Variants in SMAP1 observed in about 807,000 individuals in gnomAD.
SMAP1 encodes the protein stromal membrane-associated protein 1.
SMAP1 carries 24 observed loss-of-function variants against 58.5 expected under a neutral mutation model. The ratio of observed to expected loss-of-function variants is 0.41; its 90% CI spans 0.30 to 0.58. The LOEUF is 0.58. Ranked by LOEUF, SMAP1 falls within the 20% of genes least tolerant of loss-of-function variation. The pLI, the probability that SMAP1 is intolerant of heterozygous loss-of-function variation, is 0.29. For missense variants in SMAP1, 563 were observed against 566.3 expected (o/e 0.99, Z 0.06); for synonymous variants, 216 against 196.6 (o/e 1.10, Z -0.82).
At chr6:70,668,366 A>G (rs1317860192) in intron 1 of SMAP1, among the ~76,000 whole-genome samples, 1 of 152,074 alleles carries the variant, frequency 6.6e-6, no homozygotes, top group Non-Finnish European at 1.5e-5. Flanking sequence ...CAGTGGCCCC[A>G]GCCTCCCCTC....
intron 6 of SMAP1, among the ~76,000 whole-genome samples, chr6:70,803,272 C>G (rs1165426381): frequency 6.6e-6 from 1 of 152,132 alleles, no homozygotes; most frequent in Non-Finnish European, 1.5e-5. Flanking sequence ...TCTAGATTTT[C>G]TAGTTTATTT....
intron 1 of SMAP1, chr6:70,668,627 A>G (rs762310886): frequency 1.3e-6 from 2 of 1,535,852 alleles, no homozygotes; most frequent in Non-Finnish European, 1.7e-6. Context: ...TTGGTCTCCT[A>G]GATGGAGCCC....
chr6:70,845,636 G>A (rs934335889), intron 7 of SMAP1, among the ~76,000 whole-genome samples: 6 of 152,198 alleles, frequency 3.9e-5, no homozygotes, highest in Admixed American at 3.3e-4. Context: ...CCAGATAAAT[G>A]CAGCTTTTAG....
At chr6:70,851,033 TTTC>T (rs1321857738) in intron 7 of SMAP1, among the ~76,000 whole-genome samples, 6 of 152,178 alleles carry the variant, frequency 3.9e-5, no homozygotes, top group Admixed American at 6.5e-5. Context: ...CATTGTTTTA[TTTC>T]TTCACCTTTT....
At chr6:70,788,886 G>A in intron 4 of SMAP1, among the ~76,000 whole-genome samples, 1 of 152,158 alleles carries the variant, frequency 6.6e-6, no homozygotes, top group East Asian at 1.9e-4. Context: ...GACATGGTAT[G>A]GAGAATAGAT....
intron 2 of SMAP1, among the ~76,000 whole-genome samples, chr6:70,733,778 A>G (rs899645913): frequency 6.6e-6 from 1 of 152,154 alleles, no homozygotes; most frequent in African/African-American, 2.4e-5. Context: ...CGACCGAAGT[A>G]TCCTGCTTTT....
chr6:70,828,180 A>G (rs1770215847), intron 6 of SMAP1, among the ~76,000 whole-genome samples: 1 of 152,240 alleles, frequency 6.6e-6, no homozygotes, highest in African/African-American at 2.4e-5. Flanking sequence ...TATAGCATAT[A>G]GTCAAAAGAC....
At chr6:70,810,769 G>A (rs2149969400) in intron 6 of SMAP1, among the ~76,000 whole-genome samples, 1 of 152,188 alleles carries the variant, frequency 6.6e-6, no homozygotes, top group South Asian at 2.1e-4. Flanking sequence ...TAAAGTTGAG[G>A]TCTCATTGTG....
intron 4 of SMAP1, among the ~76,000 whole-genome samples, chr6:70,787,549 A>C (rs1367107875): frequency 6.6e-6 from 1 of 152,204 alleles, no homozygotes; most frequent in Non-Finnish European, 1.5e-5. Flanking sequence ...CAATCTACTC[A>C]TCTGACAAAG....
chr6:70,738,280 G>A (rs1171798803), intron 2 of SMAP1, among the ~76,000 whole-genome samples: 1 of 152,084 alleles, frequency 6.6e-6, no homozygotes. Flanking sequence ...GTTAGTGATG[G>A]TGATTCAGCT....
At chr6:70,727,611 C>A (rs1169168536) in intron 1 of SMAP1, among the ~76,000 whole-genome samples, 1 of 152,224 alleles carries the variant, frequency 6.6e-6, no homozygotes, top group Non-Finnish European at 1.5e-5. Context: ...AAAATAAACA[C>A]ATAATAGATA....
intron 2 of SMAP1, among the ~76,000 whole-genome samples, chr6:70,751,069 G>A (rs1766257097): frequency 1.3e-5 from 2 of 152,134 alleles, no homozygotes; most frequent in South Asian, 4.2e-4. Flanking sequence ...GTGAAACCTC[G>A]TCTCTACTAA....
chr6:70,861,642 T>A lies in SMAP1; in HGVS notation c.*1308T>A. ...ATATGGATCCACTGGCTGGACAAACTGCACCAGTTGCTGCTTCAATTTATA... is the reference window on the plus strand; with the variant it reads ...ATATGGATCCACTGGCTGGACAAACAGCACCAGTTGCTGCTTCAATTTATA... On this transcript the variant is annotated 3_prime_UTR_variant, in exon 11 of 11. Transcript: ENST00000370455. 1 of 1,607,456 alleles carries A rather than the reference T, an allele frequency of 6.2e-7. No individual in the cohort carries two copies. The highest frequency in any genetic ancestry group is 8.5e-7 in the Non-Finnish European group (1 of 1,174,388).
intron 1 of SMAP1, among the ~76,000 whole-genome samples, chr6:70,730,138 C>T (rs184416381): frequency 4.6e-5 from 7 of 152,242 alleles, no homozygotes; most frequent in East Asian, 3.9e-4. Flanking sequence ...GACCTTTGAA[C>T]TCCTGGGCTC....
intron 3 of SMAP1, among the ~76,000 whole-genome samples, chr6:70,760,353 T>C (rs1414317156): frequency 1.3e-5 from 2 of 152,106 alleles, no homozygotes; most frequent in Non-Finnish European, 2.9e-5. Context: ...TATTGATCTT[T>C]ATTGTTCATA....
At chr6:70,848,687 A>G (rs747967810) in intron 7 of SMAP1, among the ~76,000 whole-genome samples, 5 of 152,240 alleles carry the variant, frequency 3.3e-5, no homozygotes, top group Non-Finnish European at 5.9e-5. Flanking sequence ...AACATTCTTT[A>G]AAAACATCCA....
intron 2 of SMAP1, among the ~76,000 whole-genome samples, chr6:70,739,634 T>TA (rs1191338722): frequency 6.6e-6 from 1 of 152,150 alleles, no homozygotes; most frequent in Non-Finnish European, 1.5e-5. Flanking sequence ...TTTTTTGAGT[T>TA]ACAGTTTATT....
intron 6 of SMAP1, among the ~76,000 whole-genome samples, chr6:70,828,712 A>G (rs1021590911): frequency 6.6e-6 from 1 of 152,212 alleles, no homozygotes. Flanking sequence ...TATTCCTTAC[A>G]TGTAGAACTA....
At chr6:70,766,144 A>G (rs188408040) in intron 3 of SMAP1, among the ~76,000 whole-genome samples, 83 of 152,226 alleles carry the variant, frequency 5.5e-4, no homozygotes, top group Non-Finnish European at 1.0e-3. Context: ...CCAGTCTATC[A>G]TTGTTGGACA....
Sources: allele counts gnomAD v4.1 joint callset (sites outside exome capture counted in the v4.1 genomes callset), GRCh38; gene constraint gnomAD v4.1.1; transcripts MANE v1.5; gene names NCBI Gene and HGNC (gene_info 2026-07-23, HGNC 2026-07-21).